LMBR1: variants seen among roughly 807,000 people sequenced by gnomAD.
LMBR1 encodes limb development membrane protein 1.
In LMBR1, 52 loss-of-function variants were observed where a neutral mutation model predicts 73.9. The observed-to-expected ratio is 0.70, with a 90% CI of 0.56 to 0.89. LMBR1 has a LOEUF of 0.89. LMBR1 is among the 40% of genes least tolerant of loss of function. The pLI, the probability that LMBR1 is intolerant of heterozygous loss-of-function variation, is 0.00. For missense variants in LMBR1, 539 were observed against 579.8 expected, an observed-to-expected ratio of 0.93 and a Z score of 0.72; for synonymous variants, 215 against 209.4, an observed-to-expected ratio of 1.03 and a Z score of -0.23.
At chr7:156,718,712 G>C (rs1263049109) in intron 15 of LMBR1, among the ~76,000 whole-genome samples, 1 of 152,144 alleles carries the variant, frequency 6.6e-6, no homozygotes, top group Non-Finnish European at 1.5e-5. Context: ...ACTCCAGCTT[G>C]GGTAACAGAA....
chr7:156,697,137 G>A (rs149279396), intron 15 of LMBR1, among the ~76,000 whole-genome samples: 1 of 152,300 alleles, frequency 6.6e-6, no homozygotes, highest in African/African-American at 2.4e-5. Flanking sequence ...ATGCCCACCT[G>A]AGCCTCAAAA....
At chr7:156,712,064 G>A (rs1386265299) in intron 15 of LMBR1, among the ~76,000 whole-genome samples, 1 of 152,146 alleles carries the variant, frequency 6.6e-6, no homozygotes, top group East Asian at 1.9e-4. Context: ...CAGATAACCT[G>A]CAGAATGGGA....
downstream of LMBR1, among the ~76,000 whole-genome samples, chr7:156,675,425 G>GT (rs1419109734): frequency 6.6e-6 from 1 of 152,130 alleles, no homozygotes; most frequent in Non-Finnish European, 1.5e-5. Context: ...GGGAAGGAAT[G>GT]TTTTTTCCTT....
At chr7:156,674,241 C>G (rs1803290052), downstream of LMBR1, among the ~76,000 whole-genome samples, 1 of 152,236 alleles carries the variant, frequency 6.6e-6, no homozygotes, top group Non-Finnish European at 1.5e-5. Flanking sequence ...CTGTCTCCCT[C>G]TGCCCTTTAT....
chr7:156,753,725 C>T lies in LMBR1; in HGVS notation c.757+2668G>A, dbSNP rs570982894. Reference sequence around the variant, plus strand: ...TTAGTCCTGACAGTCCCAAAGCAGACGGCAGAGGGGAGGCTGTGTGCTGTG... The same window carrying T: ...TTAGTCCTGACAGTCCCAAAGCAGATGGCAGAGGGGAGGCTGTGTGCTGTG... On this transcript the variant is annotated intron_variant, in intron 9 of 16. Transcript: ENST00000353442. 1.4e-3 allele frequency among the ~76,000 whole-genome samples: 211 copies of T among 152,120 alleles called. 1 individual carries two copies. The highest frequency in any genetic ancestry group is 6.8e-3 in the Middle Eastern group (2 of 294).
downstream of LMBR1, chr7:156,676,245 GTA>G (rs113735598): frequency 3.2e-4 from 486 of 1,506,314 alleles, 2 homozygotes; most frequent in African/African-American, 5.6e-3. Context: ...ATATGTGTGT[GTA>G]TATATATATG....
At chr7:156,781,040 C>A (rs1827044536) in intron 5 of LMBR1, among the ~76,000 whole-genome samples, 1 of 152,188 alleles carries the variant, frequency 6.6e-6, no homozygotes, top group Non-Finnish European at 1.5e-5. Flanking sequence ...AATGCTCAGT[C>A]TTGTAAGAAA....
At chr7:156,787,201 A>ATT (rs1828272424) in intron 5 of LMBR1, among the ~76,000 whole-genome samples, 1 of 152,070 alleles carries the variant, frequency 6.6e-6, no homozygotes, top group African/African-American at 2.4e-5. Flanking sequence ...ATGTGCCTCT[A>ATT]ACCTCATTTT....
At chr7:156,725,563 C>A (rs1281246227) in intron 13 of LMBR1, 38 bp from the exon 14 acceptor site, 6 of 1,449,168 alleles carry the variant, frequency 4.1e-6, no homozygotes, top group Non-Finnish European at 5.7e-6. Context: ...CAACAGAATG[C>A]AAGTTTCCTA....
chr7:156,684,312 TTTC>T (rs2131846970), intron 16 of LMBR1, 149 bp from the exon 17 acceptor site: 1 of 657,824 alleles, frequency 1.5e-6, no homozygotes. Flanking sequence ...GAATGAATGA[TTTC>T]TTCTCCCTAC....
chr7:156,844,048 G>T (rs917428918), intron 1 of LMBR1, among the ~76,000 whole-genome samples: 1 of 152,060 alleles, frequency 6.6e-6, no homozygotes, highest in Non-Finnish European at 1.5e-5. Context: ...TTAGGGCCAG[G>T]CATGGTGGCT....
At chr7:156,798,258 T>C (rs184714343) in intron 4 of LMBR1, among the ~76,000 whole-genome samples, 137 of 152,280 alleles carry the variant, frequency 9.0e-4, no homozygotes, top group African/African-American at 3.1e-3. Flanking sequence ...TGTCATAAAA[T>C]AAGCATTTAA....
intron 15 of LMBR1, among the ~76,000 whole-genome samples, chr7:156,708,771 A>G (rs1811502103): frequency 6.6e-6 from 1 of 152,158 alleles, no homozygotes; most frequent in African/African-American, 2.4e-5. Context: ...CAAAGCCTGA[A>G]AGCCATGCTT....
intron 5 of LMBR1, among the ~76,000 whole-genome samples, chr7:156,788,887 A>C (rs1457189271): frequency 6.6e-6 from 1 of 152,084 alleles, no homozygotes; most frequent in African/African-American, 2.4e-5. Context: ...GTCTCTATTA[A>C]AAATACAAAA....
intron 4 of LMBR1, among the ~76,000 whole-genome samples, chr7:156,817,969 G>C (rs890566876): frequency 1.3e-5 from 2 of 151,992 alleles, no homozygotes; most frequent in East Asian, 3.9e-4. Context: ...CCAAACACTA[G>C]GATTTTTCTA....
At position 156,680,403 on chromosome 7, in the gene LMBR1, A is replaced by AGAGAGTGTGTGTGTGTGT. The variant is rs1343950098; in HGVS notation, c.*3674_*3675insACACACACACACACTCTC. 1.9e-4 allele frequency: 24 copies of AGAGAGTGTGTGTGTGTGT among 125,150 alleles called. No homozygotes were observed. The highest frequency in any genetic ancestry group is 4.1e-4 in the Admixed American group (5 of 12,124). 7.8% of individuals were successfully genotyped at this position (125,150 alleles called of 1,614,324 possible). A position where few individuals can be genotyped will look rare whatever the true frequency, so the allele number is the denominator to read the frequency against. On this transcript the variant is annotated 3_prime_UTR_variant, in exon 17 of 17. Coordinates refer to ENST00000353442, the MANE Select transcript of LMBR1 (RefSeq NM_022458.4). ...GAGAGAGAGAGAGAGAGAGAGAGAG[A>AGAGAGTGTGTGTGTGTGT]GTGTGTGTGTGTGTGTGTGTGTAAT...
At chr7:156,866,058 CAA>C (rs1427562271) in intron 1 of LMBR1, among the ~76,000 whole-genome samples, 10 of 128,946 alleles carry the variant, frequency 7.8e-5, no homozygotes, top group African/African-American at 3.0e-4. Flanking sequence ...ATTAAAATCT[CAA>C]AAGACAAAAA....
At chr7:156,671,050 A>T (rs1441949620) in intron 4 of LMBR1, among the ~76,000 whole-genome samples, 1 of 152,250 alleles carries the variant, frequency 6.6e-6, no homozygotes. Context: ...GAGGGATAAA[A>T]ATTCCAATTT....
chr7:156,878,427 AT>A (rs1449243294), intron 1 of LMBR1, among the ~76,000 whole-genome samples: 1 of 152,234 alleles, frequency 6.6e-6, no homozygotes, highest in Non-Finnish European at 1.5e-5. Context: ...TGAGAATCAA[AT>A]CAAGAACTCA....
Sources: gnomAD v4.1 joint callset for allele counts (sites outside exome capture counted in the v4.1 genomes callset) on GRCh38, gnomAD v4.1.1 for gene constraint, MANE v1.5 for transcripts, NCBI Gene and HGNC (gene_info 2026-07-23, HGNC 2026-07-21) for gene names.